HS6ST2: variants seen among roughly 807,000 people sequenced by gnomAD.
The protein encoded by HS6ST2 is heparan-sulfate 6-O-sulfotransferase 2.
HS6ST2 carries 17 observed loss-of-function variants against 33.0 expected under a neutral mutation model. The ratio of observed to expected loss-of-function variants is 0.52; its 90% CI spans 0.35 to 0.77. The LOEUF (loss-of-function observed/expected upper bound fraction) is 0.77. HS6ST2 is among the 30% of genes least tolerant of loss of function. The pLI is 0.01. For synonymous variants in HS6ST2, 248 were observed against 237.1 expected, an observed-to-expected ratio of 1.05 and a Z score of -0.42; for missense variants, 519 against 551.7, an observed-to-expected ratio of 0.94 and a Z score of 0.59.
At chrX:132,880,623 T>C (rs2066159094) in intron 2 of HS6ST2, among the ~76,000 whole-genome samples, 1 of 111,006 alleles carries the variant, frequency 9.0e-6, no homozygotes, top group Admixed American at 9.6e-5. Context: ...CAACTTTTTT[T>C]TTCTTTTTTT....
chrX:132,687,426 G>A (rs149911195), intron 3 of HS6ST2, among the ~76,000 whole-genome samples: 1,202 of 110,838 alleles, frequency 0.011, 10 homozygotes, highest in Non-Finnish European at 0.016. Flanking sequence ...CTTAATGAAG[G>A]CTCTTGCTGG....
chrX:132,787,377 C>G (rs1404731907), intron 2 of HS6ST2, among the ~76,000 whole-genome samples: 1 of 97,676 alleles, frequency 1.0e-5, no homozygotes, highest in Non-Finnish European at 2.0e-5. Flanking sequence ...ACTGCAACCT[C>G]CATCTCCCAG....
At position 132,930,299 on chromosome X, in the gene HS6ST2, T is replaced by G. The variant is rs781616832; in HGVS notation, c.947+26509A>C. ...GCTTCAGCCTCCTCAGTAGCTGGGATTACAGACATGTGCCACCAAGCCTGG... is the reference window on the plus strand; with the variant it reads ...GCTTCAGCCTCCTCAGTAGCTGGGAGTACAGACATGTGCCACCAAGCCTGG... On this transcript the variant is annotated intron_variant, in intron 2 of 4. Coordinates refer to ENST00000370833, the MANE Select transcript of HS6ST2 (RefSeq NM_001394073.1). 7.9e-4 allele frequency among the ~76,000 whole-genome samples: 88 copies of G among 111,054 alleles called. 1 individual carries two copies. Among genetic ancestry groups the G allele is most frequent in the Non-Finnish European group, 1.5e-3 (80 of 53,049 alleles).
chrX:132,775,485 A>G (rs2064948188), intron 2 of HS6ST2, among the ~76,000 whole-genome samples: 1 of 112,102 alleles, frequency 8.9e-6, no homozygotes, highest in Non-Finnish European at 1.9e-5. Flanking sequence ...CCTACCTCAG[A>G]TATGTGAAAG....
chrX:132,890,945 G>C (rs1038823506), intron 2 of HS6ST2, among the ~76,000 whole-genome samples: 5 of 111,637 alleles, frequency 4.5e-5, no homozygotes, highest in African/African-American at 1.6e-4. Flanking sequence ...CAATTATGTA[G>C]TCAGCAGCCT....
intron 2 of HS6ST2, among the ~76,000 whole-genome samples, chrX:132,726,922 T>G (rs760016893): frequency 5.9e-4 from 65 of 110,922 alleles, no homozygotes; most frequent in Non-Finnish European, 1.0e-3. Context: ...ATCTAATCAG[T>G]CTCATCCCCT....
intron 3 of HS6ST2, among the ~76,000 whole-genome samples, chrX:132,704,267 G>T (rs1031454374): frequency 8.9e-6 from 1 of 112,435 alleles, no homozygotes; most frequent in Admixed American, 9.4e-5. Context: ...AAAGAAAGAC[G>T]ATTTTGGCCA....
intron 2 of HS6ST2, among the ~76,000 whole-genome samples, chrX:132,801,747 G>A (rs2065237600): frequency 8.9e-6 from 1 of 112,136 alleles, no homozygotes; most frequent in African/African-American, 3.2e-5. Flanking sequence ...GTAGTAAGAA[G>A]GAAAACATTA....
At chrX:132,687,036 T>C (rs980403292) in intron 3 of HS6ST2, among the ~76,000 whole-genome samples, 18 of 112,209 alleles carry the variant, frequency 1.6e-4, no homozygotes, top group African/African-American at 4.9e-4. Flanking sequence ...TTAGAAGAAA[T>C]AAAGAAATAA....
chrX:132,765,212 G>C (rs973787117), intron 2 of HS6ST2, among the ~76,000 whole-genome samples: 1 of 111,983 alleles, frequency 8.9e-6, no homozygotes, highest in Admixed American at 9.5e-5. Context: ...GCCTTCTATG[G>C]GAGGCACAAG....
chrX:132,895,524 A>G (rs755045643), intron 2 of HS6ST2, among the ~76,000 whole-genome samples: 3 of 111,359 alleles, frequency 2.7e-5, no homozygotes, highest in Non-Finnish European at 3.8e-5. Flanking sequence ...TCATTTGTAT[A>G]TTTGTGTGTA....
Position 132,635,136 on chromosome X carries a change from G to C in HS6ST2, c.1068-6043C>G, listed in dbSNP as rs1046718000. 1.6e-4 allele frequency among the ~76,000 whole-genome samples: 18 copies of C among 111,884 alleles called. No individual in the cohort carries two copies. The East Asian group carries it at 4.8e-3, about 30-fold the overall frequency. On this transcript the variant is annotated intron_variant, in intron 4 of 4. Transcript: ENST00000370833. ...TTTAGGCCAACTTTTTCCTGTCACT[G>C]ATAAGCAATTGTCGAAATAATAGCA...
rs775038980 is a variant in HS6ST2 at position 132,693,364 on chromosome X, A to G, written c.980+15098T>C. On this transcript the variant is annotated intron_variant, in intron 3 of 4. Coordinates refer to ENST00000370833, the MANE Select transcript of HS6ST2 (RefSeq NM_001394073.1). ...CAGAAGTGACCTTCATAAAATTCTC[A>G]GACAGCAAAGAAAGCAGGATTTACT... Among the ~76,000 whole-genome samples, 4 of 112,112 alleles carry G rather than the reference A, an allele frequency of 3.6e-5. No homozygotes were observed. In the East Asian group the frequency reaches 1.1e-3, roughly 32 times the overall value.
intron 2 of HS6ST2, among the ~76,000 whole-genome samples, chrX:132,731,970 C>T (rs1479934029): frequency 9.0e-6 from 1 of 111,682 alleles, no homozygotes; most frequent in Non-Finnish European, 1.9e-5. Flanking sequence ...ATTTCAGGGC[C>T]GCCCTGGAAA....
chrX:132,629,120 G>A, intron 4 of HS6ST2, 27 bp from the exon 5 acceptor site: 1 of 1,170,075 alleles, frequency 8.5e-7, no homozygotes. Flanking sequence ...AAAACCAACA[G>A]TCAGAGATAT....
intron 2 of HS6ST2, among the ~76,000 whole-genome samples, chrX:132,811,023 C>T (rs2065336883): frequency 1.8e-5 from 2 of 111,781 alleles, no homozygotes; most frequent in Admixed American, 9.4e-5. Flanking sequence ...GATATACCTA[C>T]TACATTAGTT....
intron 2 of HS6ST2, among the ~76,000 whole-genome samples, chrX:132,778,518 G>A (rs988728758): frequency 1.6e-4 from 18 of 110,505 alleles, no homozygotes; most frequent in African/African-American, 5.9e-4. Context: ...TCCTGTCTCA[G>A]CCTCCTGAGT....
intron 2 of HS6ST2, among the ~76,000 whole-genome samples, chrX:132,878,262 C>G (rs752531465): frequency 3.6e-5 from 4 of 112,241 alleles, no homozygotes; most frequent in Non-Finnish European, 5.6e-5. Flanking sequence ...GGCCACCACA[C>G]AAGAACTGAT....
intron 2 of HS6ST2, among the ~76,000 whole-genome samples, chrX:132,792,456 T>A (rs2065126247): frequency 8.9e-6 from 1 of 112,317 alleles, no homozygotes; most frequent in Admixed American, 9.5e-5. Context: ...CAAGTGCACA[T>A]CAAAATAATC....
Sources: allele counts gnomAD v4.1 joint callset (sites outside exome capture counted in the v4.1 genomes callset), GRCh38; gene constraint gnomAD v4.1.1; transcripts MANE v1.5; gene names NCBI Gene and HGNC (gene_info 2026-07-23, HGNC 2026-07-21).